The following UBR1 variants were observed in gnomAD, a reference collection of about 807,000 sequenced individuals.
UBR1 encodes ubiquitin protein ligase E3 component n-recognin 1.
A neutral mutation model predicts 242.1 loss-of-function variants in UBR1; 102 were observed. The observed-to-expected ratio is 0.42, with a 90% CI of 0.36 to 0.50. The LOEUF is 0.50. Ranked by LOEUF, UBR1 falls within the 20% of genes least tolerant of loss-of-function variation. The pLI is 0.01. For missense variants in UBR1, 1,772 were observed against 2,101.8 expected, an observed-to-expected ratio of 0.84 and a Z score of 3.07; for synonymous variants, 675 against 684.8, an observed-to-expected ratio of 0.99 and a Z score of 0.22.
rs549342750 is a variant in UBR1 at position 43,058,602 on chromosome 15, T to C, written c.1094-173A>G. Among the ~76,000 whole-genome samples the C allele has an allele frequency of 2.3e-4, 35 of 152,272 alleles. 1 individual carries two copies. Among genetic ancestry groups the C allele is most frequent in the Admixed American group, 1.9e-3 (29 of 15,288 alleles). On this transcript the variant is annotated intron_variant, in intron 9 of 46. Transcript: ENST00000290650. Reference sequence around the variant, plus strand: ...ATAACTGGAATTTAAAATACACACATATATTGCCTTTTCCCTCTTTTTCTG... The same window carrying C: ...ATAACTGGAATTTAAAATACACACACATATTGCCTTTTCCCTCTTTTTCTG...
At chr15:42,970,919 T>G (rs1178128514) in intron 39 of UBR1, among the ~76,000 whole-genome samples, 1 of 151,970 alleles carries the variant, frequency 6.6e-6, no homozygotes, top group African/African-American at 2.4e-5. Context: ...TTCACCATGT[T>G]AGTCAGGCTG....
intron 10 of UBR1, 138 bp downstream of exon 10, chr15:43,058,203 C>A: frequency 1.5e-6 from 1 of 684,578 alleles, no homozygotes; most frequent in Non-Finnish European, 2.4e-6. Context: ...AGCCAACCCG[C>A]AGGGCCAAGA....
chr15:43,061,709 T>C (rs1247540890), intron 6 of UBR1, among the ~76,000 whole-genome samples: 1 of 149,412 alleles, frequency 6.7e-6, no homozygotes, highest in Non-Finnish European at 1.5e-5. Flanking sequence ...AACTTAGGAA[T>C]GGAAAAACAA....
intron 1 of UBR1, among the ~76,000 whole-genome samples, chr15:43,095,837 A>G (rs948650492): frequency 6.6e-6 from 1 of 152,348 alleles, no homozygotes; most frequent in South Asian, 2.1e-4. Context: ...CAGCATCCAA[A>G]GAAAGGATGG....
chr15:43,048,395 C>T lies in UBR1; in HGVS notation c.1536G>A (p.Met512Ile), dbSNP rs2033511992. 5 of 1,600,096 alleles carry T rather than the reference C, an allele frequency of 3.1e-6. No individual in the cohort carries two copies. Among genetic ancestry groups the T allele is most frequent in the East Asian group, 2.2e-5 (1 of 44,724 alleles). ...ATGTACAGAAAAATGATCATACCTG[C>T]ATACAGGTAAGAATCTTCAAAAAAG... ...FRSFLKILTC[M>I]QGMEEIRRQV... The change falls in exon 13 of 47, where the codon ATG becomes ATA. Residue 512 changes from methionine to isoleucine, a missense_variant. Physicochemically the swap from Met to Ile is conservative, Grantham distance 10. This residue lies in a region of UBR1 where 734 missense variants were observed against 893.3 expected (regional missense o/e 0.82). Transcript: ENST00000290650.
chr15:43,009,428 C>A (rs922739240), intron 29 of UBR1, among the ~76,000 whole-genome samples: 1 of 152,226 alleles, frequency 6.6e-6, no homozygotes, highest in Non-Finnish European at 1.5e-5. Flanking sequence ...GCTTATGCAC[C>A]CCTGGTCACT....
intron 30 of UBR1, among the ~76,000 whole-genome samples, chr15:43,005,168 GC>G (rs895868514): frequency 6.6e-6 from 1 of 151,942 alleles, no homozygotes; most frequent in African/African-American, 2.4e-5. Flanking sequence ...GAAGTGAAGA[GC>G]CCCTCCGCCC....
chr15:43,044,335 A>T (rs1596116393), intron 14 of UBR1, among the ~76,000 whole-genome samples: 1 of 152,340 alleles, frequency 6.6e-6, no homozygotes, highest in Admixed American at 6.5e-5. Context: ...AGATGACTAT[A>T]AAGTAAAGTG....
At chr15:43,059,239 CT>C in intron 8 of UBR1, 47 bp from the exon 9 acceptor site, 1 of 1,546,334 alleles carries the variant, frequency 6.5e-7, no homozygotes, top group Non-Finnish European at 8.9e-7. Context: ...TATTCTTTTT[CT>C]TTTTAAATAG....
intron 11 of UBR1, among the ~76,000 whole-genome samples, chr15:43,055,812 G>A (rs2033611084): frequency 6.6e-6 from 1 of 152,108 alleles, no homozygotes; most frequent in Non-Finnish European, 1.5e-5. Flanking sequence ...CTACTTGGGT[G>A]GCTGAGGCAT....
At chr15:42,996,861 A>C (rs2032648929) in intron 33 of UBR1, among the ~76,000 whole-genome samples, 1 of 152,198 alleles carries the variant, frequency 6.6e-6, no homozygotes, top group South Asian at 2.1e-4. Flanking sequence ...AATATTCTTG[A>C]ATATTTTCTA....
At chr15:43,096,030 A>G (rs1435686243) in intron 1 of UBR1, among the ~76,000 whole-genome samples, 1 of 152,220 alleles carries the variant, frequency 6.6e-6, no homozygotes, top group African/African-American at 2.4e-5. Flanking sequence ...TAATGTTAAA[A>G]TACTGCTAAA....
At position 43,007,204 on chromosome 15, in the gene UBR1, G is replaced by A. The variant is rs142285781; in HGVS notation, c.3290C>T (p.Thr1097Met). ...CTGTTCTTCTTGGCAAAGGATGCAC[G>A]TCAGCACCTCCTTTTCAGTAACAGA... ...GPSVTEKEVL[T>M]CILCQEEQEV... Residue 1097 changes from threonine (T) to methionine (M), a missense_variant, in exon 30 of 47, where the codon ACG becomes ATG. Physicochemically the swap from Thr to Met is moderately conservative, Grantham distance 81. This residue lies in a region of UBR1 where 965 missense variants were observed against 1,079.7 expected (regional missense o/e 0.89). Coordinates refer to ENST00000290650, the MANE Select transcript of UBR1 (RefSeq NM_174916.3). 6.2e-4 allele frequency: 997 copies of A among 1,614,020 alleles called. 4 individuals are homozygous for A. The highest frequency in any genetic ancestry group is 1.8e-3 in the Admixed American group (108 of 60,008).
chr15:42,959,265 C>T (rs1328940316), intron 43 of UBR1, among the ~76,000 whole-genome samples: 1 of 152,004 alleles, frequency 6.6e-6, no homozygotes, highest in Non-Finnish European at 1.5e-5. Flanking sequence ...CTCTGTTGCC[C>T]AGGCTGGCCT....
intron 30 of UBR1, among the ~76,000 whole-genome samples, chr15:43,005,037 C>T (rs1005786151): frequency 6.6e-5 from 10 of 151,874 alleles, no homozygotes; most frequent in Admixed American, 6.5e-4. Flanking sequence ...GCGACCCCGT[C>T]TGGGAACTGA....
chr15:42,948,256 C>T (rs1205664086), intron 46 of UBR1, among the ~76,000 whole-genome samples: 9 of 152,120 alleles, frequency 5.9e-5, no homozygotes, highest in Non-Finnish European at 1.3e-4. Context: ...GGACCCCTTC[C>T]TTACACCTTA....
chr15:42,992,072 C>T (rs745402684), intron 33 of UBR1, among the ~76,000 whole-genome samples: 10 of 152,090 alleles, frequency 6.6e-5, no homozygotes, highest in Non-Finnish European at 1.5e-4. Context: ...CTATTGAGCA[C>T]ATCCAGTTAA....
intron 18 of UBR1, 70 bp downstream of exon 18, chr15:43,036,458 C>A: frequency 7.6e-7 from 1 of 1,311,112 alleles, no homozygotes; most frequent in Non-Finnish European, 1.1e-6. Flanking sequence ...ATTACATTAT[C>A]TTCTCTCCTT....
chr15:43,032,636 A>G lies in UBR1; in HGVS notation c.2191-5T>C. 1.3e-6 allele frequency: 2 copies of G among 1,496,466 alleles called. No homozygotes were observed. The highest frequency in any genetic ancestry group is 1.8e-6 in the Non-Finnish European group (2 of 1,083,556). 92.7% of individuals were successfully genotyped at this position (1,496,466 alleles called of 1,614,324 possible). ...ATTATATTGTTTAATCAAATCCTAT[A>G]GAATCGAAAAAGAGTAAATTAGTTA... is the stretch of plus-strand genomic sequence containing the variant. On this transcript the variant is annotated splice_region_variant and splice_polypyrimidine_tract_variant and intron_variant, in intron 19 of 46. Transcript: ENST00000290650.
Sources: gnomAD v4.1 joint callset for allele counts (sites outside exome capture counted in the v4.1 genomes callset) on GRCh38, gnomAD v4.1.1 for gene constraint, gnomAD v4.1.1 regional missense constraint, MANE v1.5 for transcripts, NCBI Gene and HGNC (gene_info 2026-07-23, HGNC 2026-07-21) for gene names.